Variants in NPTN observed in about 807,000 individuals in gnomAD.
NPTN encodes SDR-1.
In NPTN, 5 loss-of-function variants were observed where a neutral mutation model predicts 42.7. The ratio of observed to expected loss-of-function variants is 0.12; its 90% CI spans 0.06 to 0.25. The LOEUF is 0.25. NPTN is among the 10% of genes least tolerant of loss of function. The pLI is 1.00. For missense variants in NPTN, 307 were observed against 525.4 expected (o/e 0.58, Z 4.06); for synonymous variants, 180 against 201.9 (o/e 0.89, Z 0.92).
chr15:73,568,676 C>G lies in NPTN; in HGVS notation c.1114+1474G>C, dbSNP rs183684446. On this transcript the variant is annotated intron_variant, in intron 6 of 8. Coordinates refer to ENST00000345330, the MANE Select transcript of NPTN (RefSeq NM_012428.4). ...AGTAGGAAAGTAAAACTCATGGGGA[C>G]ACTCCCAGGTTGCAGGAAACTAGAG... The G allele has an allele frequency of 5.1e-6, 5 of 985,464 alleles. No individual in the cohort carries two copies. The South Asian group carries it at 1.9e-4, about 37-fold the overall frequency. The allele number at this position is 985,464 out of a possible 1,614,324, so 61.0% of individuals were successfully genotyped here.
intron 4 of NPTN, among the ~76,000 whole-genome samples, chr15:73,581,646 T>C (rs1896050464): frequency 6.6e-6 from 1 of 152,152 alleles, no homozygotes; most frequent in Admixed American, 6.5e-5. Flanking sequence ...TGTTCCTTAG[T>C]ACCCTCTGCT....
chr15:73,566,809 T>A (rs1345738579), intron 6 of NPTN, among the ~76,000 whole-genome samples: 1 of 152,200 alleles, frequency 6.6e-6, no homozygotes, highest in African/African-American at 2.4e-5. Flanking sequence ...AGCTCTTATT[T>A]GACTCCATGA....
intron 1 of NPTN, among the ~76,000 whole-genome samples, chr15:73,626,672 G>GA (rs1898430181): frequency 2.0e-5 from 3 of 152,096 alleles, no homozygotes; most frequent in African/African-American, 7.2e-5. Context: ...TGCCTTATTA[G>GA]TATTCTATCA....
chr15:73,566,954 G>A, intron 6 of NPTN: 2 of 911,612 alleles, frequency 2.2e-6, no homozygotes, highest in Non-Finnish European at 2.6e-6. Flanking sequence ...TTTTCATGTA[G>A]GAAATGGTCT....
In NPTN at chr15:73,560,040, A is replaced by AAAAC. The variant is rs1894567097; in HGVS notation, c.*1019_*1022dup. ...ACCTTTTATCAATGTTTTATTTTTA[A>AAAAC]AAACAGGTGAATCCACTTTTTTATA... On this transcript the variant is annotated 3_prime_UTR_variant, in exon 9 of 9. Transcript: ENST00000345330. The AAAAC allele has an allele frequency of 3.3e-6, 3 of 902,718 alleles. No individual in the cohort carries two copies. Among genetic ancestry groups the AAAAC allele is most frequent in the Non-Finnish European group, 4.7e-6 (3 of 631,772 alleles). The allele number at this position is 902,718 out of a possible 1,614,324, so 55.9% of individuals were successfully genotyped here.
At chr15:73,624,177 T>G (rs561312481) in intron 1 of NPTN, among the ~76,000 whole-genome samples, 32 of 152,170 alleles carry the variant, frequency 2.1e-4, no homozygotes, top group Non-Finnish European at 4.3e-4. Context: ...TTATTTGGAG[T>G]TCAATCCTAG....
At chr15:73,598,462 C>A (rs954631840) in intron 1 of NPTN, among the ~76,000 whole-genome samples, 23 of 148,730 alleles carry the variant, frequency 1.5e-4, no homozygotes, top group African/African-American at 4.7e-4. Flanking sequence ...GTGGAAATGG[C>A]AGAAAGAGTT....
chr15:73,569,716 T>G lies in NPTN; in HGVS notation c.1114+434A>C, dbSNP rs1895257418. ...CCATGTGACAACCAGTTAGATACCT[T>G]AAATCTGCCTGAAAGGCCAGGTGGC... On this transcript the variant is annotated intron_variant, in intron 6 of 8. Transcript: ENST00000345330. The surrounding 1 kb of genome is among the most constrained non-coding windows in gnomAD (Gnocchi z 4.1). 1 of 985,316 alleles carries G rather than the reference T, an allele frequency of 1.0e-6. No individual in the cohort carries two copies. The allele number at this position is 985,316 out of a possible 1,614,324, so 61.0% of individuals were successfully genotyped here. A position where few individuals can be genotyped will look rare whatever the true frequency, so the allele number is the denominator to read the frequency against.
intron 2 of NPTN, among the ~76,000 whole-genome samples, chr15:73,592,459 T>C (rs888966616): frequency 6.6e-6 from 1 of 152,108 alleles, no homozygotes; most frequent in Non-Finnish European, 1.5e-5. Flanking sequence ...ACCAAACAAT[T>C]CGGCTTCAAT....
chr15:73,570,569 A>G lies in NPTN; in HGVS notation c.841-146T>C. 1 of 723,306 alleles carries G rather than the reference A, an allele frequency of 1.4e-6. No individual in the cohort carries two copies. The highest frequency in any genetic ancestry group is 2.3e-6 in the Non-Finnish European group (1 of 444,250). 44.8% of individuals were successfully genotyped at this position (723,306 alleles called of 1,614,324 possible). A position where few individuals can be genotyped will look rare whatever the true frequency, so the allele number is the denominator to read the frequency against. On this transcript the variant is annotated intron_variant, in intron 5 of 8. Coordinates refer to ENST00000345330, the MANE Select transcript of NPTN (RefSeq NM_012428.4). The surrounding 1 kb of genome is among the most constrained non-coding windows in gnomAD (Gnocchi z 4.0). Reference sequence around the variant, plus strand: ...AACATTTCATTAATGATTTCCCTTCAGTATCAACAACAACAAATCAACTTC... The same window carrying G: ...AACATTTCATTAATGATTTCCCTTCGGTATCAACAACAACAAATCAACTTC...
At chr15:73,568,548 A>G in intron 6 of NPTN, 1 of 985,442 alleles carries the variant, frequency 1.0e-6, no homozygotes, top group Non-Finnish European at 1.2e-6. Context: ...ATAAAGGTGC[A>G]CTCTTGCCTT....
intron 5 of NPTN, among the ~76,000 whole-genome samples, chr15:73,572,849 TATA>T (rs1895485166): frequency 6.6e-6 from 1 of 152,220 alleles, no homozygotes; most frequent in Admixed American, 6.5e-5. Flanking sequence ...CATGGTGAAT[TATA>T]ATCCCCAGTG....
At chr15:73,631,478 T>C (rs1898740795) in intron 1 of NPTN, among the ~76,000 whole-genome samples, 1 of 152,254 alleles carries the variant, frequency 6.6e-6, no homozygotes, top group South Asian at 2.1e-4. Flanking sequence ...AATTTGGTAC[T>C]ACGAACACAT....
chr15:73,563,870 T>C (rs1268151490), intron 6 of NPTN, among the ~76,000 whole-genome samples: 1 of 152,164 alleles, frequency 6.6e-6, no homozygotes, highest in East Asian at 1.9e-4. Context: ...GCAACAAGTG[T>C]ATGTATACCA....
Position 73,633,336 on chromosome 15 carries a change from G to A in NPTN, c.-121C>T, listed in dbSNP as rs113210731. On this transcript the variant is annotated 5_prime_UTR_variant, in exon 1 of 9. Coordinates refer to ENST00000345330, the MANE Select transcript of NPTN (RefSeq NM_012428.4). ...GGGAGTGAGCGAGGGAGGCAGCCGC[G>A]GCTCGGCTCCGTCCTTCCCCGTCCT... The A allele has an allele frequency of 2.9e-4, 206 of 711,426 alleles. 4 individuals carry two copies. In the South Asian group the frequency reaches 4.8e-3, roughly 17 times the overall value. 44.1% of individuals were successfully genotyped at this position (711,426 alleles called of 1,614,324 possible). A position where few individuals can be genotyped will look rare whatever the true frequency, so the allele number is the denominator to read the frequency against.
chr15:73,607,002 A>G (rs376383646), intron 1 of NPTN, among the ~76,000 whole-genome samples: 30 of 152,274 alleles, frequency 2.0e-4, no homozygotes, highest in African/African-American at 7.2e-4. Context: ...AACCTGGCCT[A>G]TCCTCAGTGA....
In NPTN at chr15:73,563,245, G is replaced by C. The variant is rs536841167; in HGVS notation, c.1127C>G (p.Ala376Gly). ...CCAATAAAGTACTTACATTGGTCCA[G>C]CTGGTTCATCATCTACATGGTGTTC... is the stretch of plus-strand genomic sequence containing the variant. ...PDEVPDDDEP[A>G]GPMKTNSTNN... The change falls in exon 7 of 9, where the codon GCT becomes GGT. Residue 376 changes from alanine (A) to glycine (G), a missense_variant. Coordinates refer to ENST00000345330, the MANE Select transcript of NPTN (RefSeq NM_012428.4). The C allele has an allele frequency of 8.7e-6, 14 of 1,602,870 alleles. No homozygotes were observed. The African/African-American group carries it at 1.9e-4, about 21-fold the overall frequency.
At chr15:73,619,389 A>T (rs1898020336) in intron 1 of NPTN, among the ~76,000 whole-genome samples, 1 of 152,252 alleles carries the variant, frequency 6.6e-6, no homozygotes, top group Admixed American at 6.5e-5. Flanking sequence ...GAAGAAAATA[A>T]TATATCATAG....
intron 5 of NPTN, among the ~76,000 whole-genome samples, chr15:73,572,684 C>T (rs1895476988): frequency 6.6e-6 from 1 of 152,136 alleles, no homozygotes; most frequent in Non-Finnish European, 1.5e-5. Context: ...CCCTCAGTAC[C>T]TTGTTTCCTA....
Sources: allele counts gnomAD v4.1 joint callset (sites outside exome capture counted in the v4.1 genomes callset), GRCh38; gene constraint gnomAD v4.1.1; non-coding constraint Gnocchi (gnomAD v3.1); transcripts MANE v1.5; gene names NCBI Gene and HGNC (gene_info 2026-07-23, HGNC 2026-07-21).